SLC4A10: variants seen among roughly 807,000 people sequenced by gnomAD.
SLC4A10 encodes sodium-driven chloride bicarbonate exchanger.
A neutral mutation model predicts 137.7 loss-of-function variants in SLC4A10; 42 were observed. The observed-to-expected ratio is 0.30, with a 90% CI of 0.24 to 0.39. The LOEUF (loss-of-function observed/expected upper bound fraction) is 0.39, where lower values mean the gene tolerates loss of function less well. SLC4A10 is among the 10% of genes least tolerant of loss of function. SLC4A10 has a pLI of 1.00. For missense variants in SLC4A10, 925 were observed against 1,355.0 expected (o/e 0.68, Z 4.98); for synonymous variants, 474 against 464.1 (o/e 1.02, Z -0.27).
intron 1 of SLC4A10, among the ~76,000 whole-genome samples, chr2:161,625,488 C>T (rs1457218247): frequency 6.6e-6 from 1 of 152,006 alleles, no homozygotes; most frequent in Admixed American, 6.6e-5. Flanking sequence ...TCAGTGCTAC[C>T]ACAGCAGAAA....
chr2:161,701,075 G>A (rs2043075098), intron 1 of SLC4A10, among the ~76,000 whole-genome samples: 2 of 151,928 alleles, frequency 1.3e-5, no homozygotes, highest in Non-Finnish European at 1.5e-5. Context: ...ACAACAATCT[G>A]CCTAGGGTTA....
At chr2:161,915,799 A>G (rs1461675226) in intron 15 of SLC4A10, among the ~76,000 whole-genome samples, 1 of 152,192 alleles carries the variant, frequency 6.6e-6, no homozygotes, top group African/African-American at 2.4e-5. Context: ...AGTCCTGTGA[A>G]GGGAGAAAGA....
chr2:161,889,273 GT>G (rs2062658523), intron 10 of SLC4A10, among the ~76,000 whole-genome samples: 1 of 152,246 alleles, frequency 6.6e-6, no homozygotes, highest in African/African-American at 2.4e-5. Context: ...CCACGTTTTG[GT>G]ATCAGGATGA....
chr2:161,977,304 T>C (rs1481825288), intron 25 of SLC4A10: 1 of 450,618 alleles, frequency 2.2e-6, no homozygotes, highest in East Asian at 6.9e-5. Flanking sequence ...AGTATAGTTC[T>C]AGTCCTGACT....
chr2:161,744,533 C>A (rs1473582189), intron 1 of SLC4A10, among the ~76,000 whole-genome samples: 1 of 151,990 alleles, frequency 6.6e-6, no homozygotes, highest in Non-Finnish European at 1.5e-5. Flanking sequence ...ATTGGATTTG[C>A]CAGTATTTTG....
intron 15 of SLC4A10, among the ~76,000 whole-genome samples, chr2:161,926,583 G>A (rs1392440732): frequency 6.8e-6 from 1 of 146,188 alleles, no homozygotes; most frequent in African/African-American, 2.5e-5. Flanking sequence ...TGTTATGTGT[G>A]AATTTGATCC....
At chr2:161,900,861 C>A in intron 11 of SLC4A10, 50 bp from the exon 12 acceptor site, 2 of 1,257,060 alleles carry the variant, frequency 1.6e-6, no homozygotes, top group Non-Finnish European at 2.2e-6. Context: ...TTACAATTAA[C>A]ACCTGAAATT....
chr2:161,908,583 T>G (rs1685038344), intron 15 of SLC4A10, among the ~76,000 whole-genome samples: 1 of 148,162 alleles, frequency 6.7e-6, no homozygotes, highest in Non-Finnish European at 1.5e-5. Flanking sequence ...ACTTAAAGTA[T>G]AATAATAATA....
At chr2:161,807,928 C>A (rs988767546) in intron 3 of SLC4A10, among the ~76,000 whole-genome samples, 11 of 152,156 alleles carry the variant, frequency 7.2e-5, no homozygotes, top group African/African-American at 2.4e-4. Context: ...TTTAACTCAG[C>A]ACTTTGAACA....
At chr2:161,941,943 C>T (rs1173973633) in intron 15 of SLC4A10, among the ~76,000 whole-genome samples, 1 of 152,138 alleles carries the variant, frequency 6.6e-6, no homozygotes, top group Non-Finnish European at 1.5e-5. Flanking sequence ...TACTGCCCAA[C>T]TCAGTTGTTT....
chr2:161,715,773 G>A (rs920196696), intron 1 of SLC4A10, among the ~76,000 whole-genome samples: 9 of 152,030 alleles, frequency 5.9e-5, no homozygotes, highest in African/African-American at 2.2e-4. Context: ...CCATGCCTTT[G>A]ATATTGTTAA....
At chr2:161,697,722 T>C (rs1232554492) in intron 1 of SLC4A10, among the ~76,000 whole-genome samples, 1 of 152,214 alleles carries the variant, frequency 6.6e-6, no homozygotes, top group African/African-American at 2.4e-5. Context: ...TGTAGTATAG[T>C]TTGAAGTCAG....
intron 1 of SLC4A10, among the ~76,000 whole-genome samples, chr2:161,692,842 T>C (rs956443696): frequency 6.6e-6 from 1 of 152,074 alleles, no homozygotes; most frequent in African/African-American, 2.4e-5. Context: ...GCAATTTTCA[T>C]TACAATTTGA....
intron 1 of SLC4A10, among the ~76,000 whole-genome samples, chr2:161,678,728 C>T (rs1324334669): frequency 1.3e-5 from 2 of 152,106 alleles, no homozygotes; most frequent in African/African-American, 2.4e-5. Flanking sequence ...TATATGAACT[C>T]TAGTGTCTGA....
intron 8 of SLC4A10, among the ~76,000 whole-genome samples, chr2:161,874,999 C>T (rs1001386610): frequency 6.6e-6 from 1 of 152,092 alleles, no homozygotes; most frequent in South Asian, 2.1e-4. Flanking sequence ...AAACACCAGA[C>T]CATAATTGAA....
chr2:161,656,143 G>A (rs1558958620), intron 1 of SLC4A10, among the ~76,000 whole-genome samples: 1 of 151,828 alleles, frequency 6.6e-6, no homozygotes, highest in African/African-American at 2.4e-5. Context: ...TGACTGAGTG[G>A]GATTTATCTT....
intron 7 of SLC4A10, among the ~76,000 whole-genome samples, chr2:161,873,197 T>G (rs1485057362): frequency 6.6e-6 from 1 of 152,106 alleles, no homozygotes. Flanking sequence ...AAAAACATAT[T>G]AAGAACTGAC....
intron 1 of SLC4A10, among the ~76,000 whole-genome samples, chr2:161,628,931 G>T (rs991520305): frequency 5.9e-5 from 9 of 151,924 alleles, no homozygotes; most frequent in African/African-American, 1.9e-4. Flanking sequence ...CTGGGCCAAG[G>T]TCTGGAACTC....
At chr2:161,630,132 A>G (rs1030595453) in intron 1 of SLC4A10, among the ~76,000 whole-genome samples, 2 of 151,892 alleles carry the variant, frequency 1.3e-5, no homozygotes, top group African/African-American at 4.8e-5. Flanking sequence ...TGGCTGTACT[A>G]CATGCTATTC....
Sources: allele counts gnomAD v4.1 joint callset (sites outside exome capture counted in the v4.1 genomes callset), GRCh38; gene constraint gnomAD v4.1.1; transcripts MANE v1.5; gene names NCBI Gene and HGNC (gene_info 2026-07-23, HGNC 2026-07-21).